Variants in ADARB2 observed in about 807,000 individuals in gnomAD.
The protein encoded by ADARB2 is adenosine deaminase RNA specific B2 (inactive).
ADARB2 carries 25 observed loss-of-function variants against 62.2 expected under a neutral mutation model. The observed-to-expected ratio is 0.40, with a 90% CI of 0.29 to 0.56. The LOEUF (loss-of-function observed/expected upper bound fraction) is 0.56, where lower values mean the gene tolerates loss of function less well. Ranked by LOEUF, ADARB2 falls within the 20% of genes least tolerant of loss-of-function variation. The pLI is 0.43. For synonymous variants in ADARB2, 572 were observed against 500.8 expected (o/e 1.14, Z -1.90); for missense variants, 1,071 against 1,077.4 (o/e 0.99, Z 0.08).
intron 1 of ADARB2, among the ~76,000 whole-genome samples, chr10:1,609,802 G>T (rs971534574): frequency 6.6e-5 from 10 of 152,190 alleles, no homozygotes; most frequent in African/African-American, 2.4e-4. Flanking sequence ...TGTGTCTGTG[G>T]TCATGACCAC....
intron 1 of ADARB2, among the ~76,000 whole-genome samples, chr10:1,620,267 C>T (rs887796325): frequency 2.6e-5 from 4 of 151,982 alleles, no homozygotes; most frequent in African/African-American, 9.7e-5. Context: ...AGACAGAAGA[C>T]ACAAATTATG....
intron 1 of ADARB2, among the ~76,000 whole-genome samples, chr10:1,637,331 T>G (rs1276665234): frequency 2.0e-5 from 3 of 152,232 alleles, no homozygotes; most frequent in Non-Finnish European, 4.4e-5. Flanking sequence ...CCAGCTTCAT[T>G]CTTTAATTAT....
At chr10:1,352,006 T>C (rs2131844605) in intron 3 of ADARB2, among the ~76,000 whole-genome samples, 1 of 151,036 alleles carries the variant, frequency 6.6e-6, no homozygotes, top group Non-Finnish European at 1.5e-5. Context: ...ACTATTCCTT[T>C]GCACCCTTCA....
At chr10:1,553,519 G>C (rs1421471253) in intron 1 of ADARB2, among the ~76,000 whole-genome samples, 3 of 152,192 alleles carry the variant, frequency 2.0e-5, no homozygotes, top group Admixed American at 2.0e-4. Context: ...CGGTCTCAAA[G>C]GAAGGATGCA....
intron 1 of ADARB2, among the ~76,000 whole-genome samples, chr10:1,578,203 C>T (rs147888939): frequency 3.5e-4 from 53 of 152,206 alleles, no homozygotes; most frequent in Middle Eastern, 3.4e-3. Flanking sequence ...CTTCCCGCAG[C>T]GGAACAGATG....
chr10:1,406,853 A>G (rs1832711523), intron 1 of ADARB2, among the ~76,000 whole-genome samples: 1 of 152,110 alleles, frequency 6.6e-6, no homozygotes, highest in Admixed American at 6.5e-5. Context: ...CGGCTTTCCT[A>G]CTTCACAGAT....
At chr10:1,536,042 T>C (rs1029241349) in intron 1 of ADARB2, among the ~76,000 whole-genome samples, 1 of 152,150 alleles carries the variant, frequency 6.6e-6, no homozygotes, top group Admixed American at 6.5e-5. Context: ...TCCCGGCCCA[T>C]CAAGCAGGCC....
chr10:1,421,729 A>T (rs1427885357), intron 1 of ADARB2, among the ~76,000 whole-genome samples: 1 of 152,172 alleles, frequency 6.6e-6, no homozygotes, highest in African/African-American at 2.4e-5. Flanking sequence ...TTCCATTGTA[A>T]GATTCACCCC....
At chr10:1,403,083 C>G (rs1452381264) in intron 1 of ADARB2, among the ~76,000 whole-genome samples, 1 of 152,222 alleles carries the variant, frequency 6.6e-6, no homozygotes, top group Non-Finnish European at 1.5e-5. Flanking sequence ...CCGTGTGCGG[C>G]TCTCGTGGAA....
chr10:1,447,109 T>C (rs1268351979), intron 1 of ADARB2, among the ~76,000 whole-genome samples: 1 of 152,180 alleles, frequency 6.6e-6, no homozygotes, highest in African/African-American at 2.4e-5. Context: ...ACTCAAAGCA[T>C]CTTAAGGATG....
Position 1,529,139 on chromosome 10 carries a change from C to A in ADARB2, c.101-149979G>T, listed in dbSNP as rs111884695. Among the ~76,000 whole-genome samples, 16 of 130,298 alleles carry A rather than the reference C, an allele frequency of 1.2e-4. 1 individual carries two copies. Among genetic ancestry groups the A allele is most frequent in the South Asian group, 5.8e-4 (2 of 3,456 alleles). 85.5% of individuals were successfully genotyped at this position (130,298 alleles called of 152,430 possible). Reference sequence around the variant, plus strand: ...CCATCCCCAACACAAATCCTCCAATCAGTCCACGCACCATCCCCAACACAA... The same window carrying A: ...CCATCCCCAACACAAATCCTCCAATAAGTCCACGCACCATCCCCAACACAA... On this transcript the variant is annotated intron_variant, in intron 1 of 9. Coordinates refer to ENST00000381312, the MANE Select transcript of ADARB2 (RefSeq NM_018702.4).
intron 1 of ADARB2, among the ~76,000 whole-genome samples, chr10:1,505,813 ATCT>A (rs1831839739): frequency 6.6e-6 from 1 of 152,118 alleles, no homozygotes; most frequent in African/African-American, 2.4e-5. Flanking sequence ...CACTCCAGAC[ATCT>A]TCTTGAATTA....
At chr10:1,564,282 C>T (rs1022464009) in intron 1 of ADARB2, among the ~76,000 whole-genome samples, 12 of 152,196 alleles carry the variant, frequency 7.9e-5, no homozygotes, top group African/African-American at 2.7e-4. Context: ...CCACATCCAA[C>T]GTTAGACCTA....
At position 1,358,070 on chromosome 10, in the gene ADARB2, CAGAG is replaced by C. The variant is rs1263671289; in HGVS notation, c.1077+4954_1077+4957del. Among the ~76,000 whole-genome samples the C allele has an allele frequency of 1.2e-4, 18 of 152,274 alleles. No individual in the cohort carries two copies. In the East Asian group the frequency reaches 1.7e-3, roughly 15 times the overall value. On this transcript the variant is annotated intron_variant, in intron 3 of 9. Coordinates refer to ENST00000381312, the MANE Select transcript of ADARB2 (RefSeq NM_018702.4). ...AGGAAGTAACAGAGAGAGAGACAGA[CAGAG>C]AGAGAAGGAGAAAAAAATCACCCTG... is the stretch of plus-strand genomic sequence containing the variant.
chr10:1,433,442 C>T (rs566161791), intron 1 of ADARB2, among the ~76,000 whole-genome samples: 7 of 152,304 alleles, frequency 4.6e-5, no homozygotes, highest in South Asian at 4.1e-4. Flanking sequence ...TGGATTAAAA[C>T]GTGTGGATAA....
At chr10:1,458,944 T>G (rs1157344705) in intron 1 of ADARB2, among the ~76,000 whole-genome samples, 3 of 152,108 alleles carry the variant, frequency 2.0e-5, no homozygotes, top group Non-Finnish European at 2.9e-5. Flanking sequence ...GAAAAAAAGC[T>G]CAACATCACT....
At position 1,683,208 on chromosome 10, in the gene ADARB2, C is replaced by CTA. The variant is rs1388595198; in HGVS notation, c.100+53842_100+53843insTA. Among the ~76,000 whole-genome samples the CTA allele has an allele frequency of 3.0e-4, 46 of 151,958 alleles. 1 individual carries two copies. The highest frequency in any genetic ancestry group is 1.5e-4 in the Non-Finnish European group (10 of 67,994). On this transcript the variant is annotated intron_variant, in intron 1 of 9. Coordinates refer to ENST00000381312, the MANE Select transcript of ADARB2 (RefSeq NM_018702.4). Reference sequence around the variant, plus strand: ...GCATTCCTACCGAGATAGGTCTGACCCCAGATGCAATTCACTTTTCCGAGG... The same window carrying CTA: ...GCATTCCTACCGAGATAGGTCTGACCTACCAGATGCAATTCACTTTTCCGAGG...
At chr10:1,696,232 C>T (rs982523642) in intron 1 of ADARB2, among the ~76,000 whole-genome samples, 1 of 151,926 alleles carries the variant, frequency 6.6e-6, no homozygotes, top group East Asian at 1.9e-4. Flanking sequence ...TGCGTATATG[C>T]ATGTTTGTGT....
intron 1 of ADARB2, among the ~76,000 whole-genome samples, chr10:1,408,836 G>T (rs958203873): frequency 6.6e-6 from 1 of 152,192 alleles, no homozygotes; most frequent in African/African-American, 2.4e-5. Flanking sequence ...AGCACACAGG[G>T]AGTGGCCTGG....
Sources: gnomAD v4.1 joint callset for allele counts (sites outside exome capture counted in the v4.1 genomes callset) on GRCh38, gnomAD v4.1.1 for gene constraint, MANE v1.5 for transcripts, NCBI Gene and HGNC (gene_info 2026-07-23, HGNC 2026-07-21) for gene names.